Variants in RBPJ observed in about 807,000 individuals in gnomAD.
RBPJ encodes the protein recombination signal binding protein for immunoglobulin kappa J region.
A neutral mutation model predicts 67.8 loss-of-function variants in RBPJ; 9 were observed. That is an observed-to-expected ratio of 0.13 (90% CI 0.08 to 0.23). The LOEUF (loss-of-function observed/expected upper bound fraction) is 0.23, where lower values mean the gene tolerates loss of function less well. Ranked by LOEUF, RBPJ falls within the 10% of genes least tolerant of loss-of-function variation. RBPJ has a pLI of 1.00. For synonymous variants in RBPJ, 198 were observed against 203.3 expected (o/e 0.97, Z 0.22); for missense variants, 305 against 595.6 (o/e 0.51, Z 5.08).
intron 1 of RBPJ, among the ~76,000 whole-genome samples, chr4:26,254,022 T>C (rs896101415): frequency 6.7e-6 from 1 of 148,938 alleles, no homozygotes; most frequent in Non-Finnish European, 1.5e-5. Context: ...TTATTAATAA[T>C]AAGAACATTG....
the RBPJ span, among the ~76,000 whole-genome samples, chr4:26,120,205 G>T: frequency 6.6e-6 from 1 of 152,192 alleles, no homozygotes; most frequent in African/African-American, 2.4e-5. Context: ...AACAACAAAA[G>T]CAAAGGCACC....
intron 1 of RBPJ, chr4:26,272,762 G>A (rs1355899631): frequency 2.2e-6 from 1 of 449,796 alleles, no homozygotes; most frequent in Non-Finnish European, 4.5e-6. Flanking sequence ...AAACCATGAG[G>A]TAGGTCTAAC....
the RBPJ span, among the ~76,000 whole-genome samples, chr4:26,157,086 C>CAAAA: frequency 2.9e-5 from 1 of 34,668 alleles, no homozygotes; most frequent in African/African-American, 7.0e-5. Flanking sequence ...CAAAAACAAA[C>CAAAA]AAACAAACAA....
In RBPJ at chr4:26,289,039, T is replaced by A. The variant is rs965526286; in HGVS notation, c.-166-73407T>A. 1.3e-4 allele frequency among the ~76,000 whole-genome samples: 20 copies of A among 151,038 alleles called. 2 individuals are homozygous for A. The highest frequency in any genetic ancestry group is 2.4e-5 in the African/African-American group (1 of 41,036). ...TTTTACCTATTTTATTAAATTTTTTTATGTTTAACTTACATACTTCCAAAA... is the reference window on the plus strand; with the variant it reads ...TTTTACCTATTTTATTAAATTTTTTAATGTTTAACTTACATACTTCCAAAA... On this transcript the variant is annotated intron_variant, in intron 1 of 4. Coordinates refer to the RBPJ transcript ENST00000512351.
intron 1 of RBPJ, among the ~76,000 whole-genome samples, chr4:26,262,897 T>C (rs1360714069): frequency 2.0e-5 from 3 of 152,194 alleles, no homozygotes; most frequent in Non-Finnish European, 4.4e-5. Flanking sequence ...TCCATCAGGC[T>C]TCCCAGAGCA....
At chr4:26,299,315 T>G (rs1721990182) in intron 1 of RBPJ, among the ~76,000 whole-genome samples, 1 of 152,204 alleles carries the variant, frequency 6.6e-6, no homozygotes, top group Admixed American at 6.5e-5. Flanking sequence ...TCTAGAAGAT[T>G]CACCCAAATT....
the RBPJ span, among the ~76,000 whole-genome samples, chr4:26,130,555 G>A: frequency 2.6e-5 from 4 of 152,170 alleles, no homozygotes; most frequent in Middle Eastern, 3.4e-3. Context: ...TGCAGCAACC[G>A]AGTCCTGCCA....
At chr4:26,354,380 A>T (rs966265192) in intron 1 of RBPJ, among the ~76,000 whole-genome samples, 1 of 152,034 alleles carries the variant, frequency 6.6e-6, no homozygotes, top group African/African-American at 2.4e-5. Context: ...TCAAATATAG[A>T]TCACAAGGAA....
intron 1 of RBPJ, among the ~76,000 whole-genome samples, chr4:26,242,880 T>A (rs1719696787): frequency 6.6e-6 from 1 of 152,162 alleles, no homozygotes; most frequent in Non-Finnish European, 1.5e-5. Flanking sequence ...TGCTGAAATA[T>A]GATGTTTGCC....
At chr4:26,362,705 C>T in intron 1 of RBPJ, 1 of 1,134,922 alleles carries the variant, frequency 8.8e-7, no homozygotes, top group Non-Finnish European at 1.3e-6. Flanking sequence ...TTAGTTAATG[C>T]ATATTTAAGA....
chr4:26,190,305 T>C (rs1717432722), intron 1 of RBPJ, among the ~76,000 whole-genome samples: 1 of 152,162 alleles, frequency 6.6e-6, no homozygotes, highest in Non-Finnish European at 1.5e-5. Flanking sequence ...CGGACTAAGA[T>C]ACCCAACTTC....
chr4:26,338,153 TTTC>T (rs1481692138), intron 1 of RBPJ, among the ~76,000 whole-genome samples: 1 of 144,166 alleles, frequency 6.9e-6, no homozygotes, highest in African/African-American at 2.7e-5. Context: ...TGTATTTTTC[TTTC>T]TTTTTTTTTT....
intron 1 of RBPJ, among the ~76,000 whole-genome samples, chr4:26,209,891 C>A (rs1019415578): frequency 6.7e-6 from 1 of 148,910 alleles, no homozygotes; most frequent in Admixed American, 6.9e-5. Flanking sequence ...CTTGCTTTTT[C>A]TTTTCCCATT....
At chr4:26,343,826 C>A (rs1352929183) in intron 1 of RBPJ, among the ~76,000 whole-genome samples, 1 of 140,018 alleles carries the variant, frequency 7.1e-6, no homozygotes, top group African/African-American at 2.7e-5. Context: ...TCTCGGCTCA[C>A]TGCAACCTCC....
intron 1 of RBPJ, among the ~76,000 whole-genome samples, chr4:26,336,968 G>C (rs1048425231): frequency 6.6e-6 from 1 of 151,834 alleles, no homozygotes; most frequent in African/African-American, 2.4e-5. Context: ...TTTGTTTAGC[G>C]TTTTTTGTTT....
chr4:26,355,141 C>G (rs552997540), intron 1 of RBPJ, among the ~76,000 whole-genome samples: 42 of 152,228 alleles, frequency 2.8e-4, no homozygotes, highest in African/African-American at 1.0e-3. Flanking sequence ...CTCCTAGACT[C>G]AAGCAGTCTT....
chr4:26,244,252 C>CATATATGTGTCTATGT (rs1553852695), intron 1 of RBPJ, among the ~76,000 whole-genome samples: 1 of 1,416 alleles, frequency 7.1e-4, no homozygotes, highest in Non-Finnish European at 1.5e-3. Flanking sequence ...TATGTGTACA[C>CATATATGTGTCTATGT]ATACACATAT....
chr4:26,409,278 A>G (rs970502312), intron 3 of RBPJ, among the ~76,000 whole-genome samples: 3 of 152,084 alleles, frequency 2.0e-5, no homozygotes, highest in Admixed American at 6.5e-5. Flanking sequence ...TTACTGTTAA[A>G]AAATACGGCC....
chr4:26,215,547 A>G (rs1262078446), intron 1 of RBPJ, among the ~76,000 whole-genome samples: 4 of 152,194 alleles, frequency 2.6e-5, no homozygotes, highest in African/African-American at 9.7e-5. Context: ...TATATTTGCT[A>G]AACGACTGAA....
Sources: allele counts gnomAD v4.1 joint callset (sites outside exome capture counted in the v4.1 genomes callset), GRCh38; gene constraint gnomAD v4.1.1; transcripts MANE v1.5; gene names NCBI Gene and HGNC (gene_info 2026-07-23, HGNC 2026-07-21).